KHDRBS2: variants seen among roughly 807,000 people sequenced by gnomAD.
KHDRBS2 encodes the protein KH RNA binding domain containing, signal transduction associated 2.
A neutral mutation model predicts 44.3 loss-of-function variants in KHDRBS2; 26 were observed. The ratio of observed to expected loss-of-function variants is 0.59; its 90% CI spans 0.43 to 0.81. The LOEUF is 0.81. Ranked by LOEUF, KHDRBS2 falls within the 40% of genes least tolerant of loss-of-function variation. KHDRBS2 has a pLI of 0.00. For missense variants in KHDRBS2, 476 were observed against 433.1 expected, an observed-to-expected ratio of 1.10 and a Z score of -0.88; for synonymous variants, 194 against 151.1, an observed-to-expected ratio of 1.28 and a Z score of -2.08.
chr6:62,104,993 A>G (rs1802819903), intron 2 of KHDRBS2, among the ~76,000 whole-genome samples: 1 of 152,152 alleles, frequency 6.6e-6, no homozygotes, highest in South Asian at 2.1e-4. Context: ...AAAGGAAAAT[A>G]AGAGAATATC....
chr6:62,102,342 G>C (rs1802091206), intron 2 of KHDRBS2, among the ~76,000 whole-genome samples: 1 of 152,154 alleles, frequency 6.6e-6, no homozygotes, highest in Admixed American at 6.5e-5. Context: ...TATAGTTCCA[G>C]CTATGGCTGG....
chr6:61,596,783 C>G, the KHDRBS2 span, among the ~76,000 whole-genome samples: 3 of 152,242 alleles, frequency 2.0e-5, no homozygotes, highest in South Asian at 4.1e-4. Context: ...TCCTGAGTAG[C>G]TGGGACTACA....
At chr6:61,798,313 G>A (rs1025504108) in intron 6 of KHDRBS2, among the ~76,000 whole-genome samples, 1 of 152,022 alleles carries the variant, frequency 6.6e-6, no homozygotes. Flanking sequence ...CTCCTGCAAG[G>A]TGAATTATTT....
the KHDRBS2 span, among the ~76,000 whole-genome samples, chr6:61,567,272 G>T: frequency 6.6e-6 from 1 of 152,194 alleles, no homozygotes; most frequent in Non-Finnish European, 1.5e-5. Flanking sequence ...AATGTCCTAA[G>T]AAAAGGGAGG....
intron 7 of KHDRBS2, among the ~76,000 whole-genome samples, chr6:61,699,261 AT>A (rs1203775556): frequency 6.6e-6 from 1 of 152,076 alleles, no homozygotes; most frequent in African/African-American, 2.4e-5. Context: ...ATTTAAAAAA[AT>A]AACATGCAAA....
At chr6:61,972,560 T>C (rs1332294479) in intron 4 of KHDRBS2, among the ~76,000 whole-genome samples, 1 of 152,204 alleles carries the variant, frequency 6.6e-6, no homozygotes, top group Non-Finnish European at 1.5e-5. Flanking sequence ...GGTTTTGAGA[T>C]AGCAGTATGA....
At chr6:61,577,092 A>T in the KHDRBS2 span, among the ~76,000 whole-genome samples, 1 of 151,114 alleles carries the variant, frequency 6.6e-6, no homozygotes, top group East Asian at 1.9e-4. Context: ...GATACCTGGT[A>T]GTTGTGTTTT....
At chr6:62,207,774 T>TA (rs1413169732) in intron 1 of KHDRBS2, among the ~76,000 whole-genome samples, 1 of 152,124 alleles carries the variant, frequency 6.6e-6, no homozygotes, top group African/African-American at 2.4e-5. Context: ...CTGGATTTTT[T>TA]AAAAAATAAT....
intron 6 of KHDRBS2, among the ~76,000 whole-genome samples, chr6:61,848,120 T>C (rs1414727470): frequency 1.3e-5 from 2 of 151,958 alleles, no homozygotes; most frequent in Non-Finnish European, 1.5e-5. Context: ...TGCTTGAGTA[T>C]CATAATTGCC....
the KHDRBS2 span, among the ~76,000 whole-genome samples, chr6:61,606,385 A>G: frequency 3.3e-5 from 5 of 152,170 alleles, no homozygotes; most frequent in Admixed American, 3.3e-4. Context: ...CCAAAAATGA[A>G]CGGGCCAAGG....
At chr6:62,092,762 C>A (rs1799719790) in intron 2 of KHDRBS2, among the ~76,000 whole-genome samples, 1 of 152,084 alleles carries the variant, frequency 6.6e-6, no homozygotes, top group Admixed American at 6.6e-5. Context: ...GCAAGGTAAT[C>A]ACTTAATTTT....
At position 61,950,703 on chromosome 6, in the gene KHDRBS2, A is replaced by G. The variant is rs146745209; in HGVS notation, c.483+27363T>C. Among the ~76,000 whole-genome samples the G allele has an allele frequency of 2.6e-5, 4 of 152,162 alleles. No homozygotes were observed. In the East Asian group the frequency reaches 7.7e-4, roughly 29 times the overall value. On this transcript the variant is annotated intron_variant, in intron 4 of 8. Coordinates refer to ENST00000281156, the MANE Select transcript of KHDRBS2 (RefSeq NM_152688.4). ...AGGTATCTCCTGAGGAATTTAAGTG[A>G]TATTTTCCTGAAGCTCATTTTCCTT...
chr6:62,282,831 T>C (rs1841986039), intron 1 of KHDRBS2, among the ~76,000 whole-genome samples: 1 of 152,052 alleles, frequency 6.6e-6, no homozygotes, highest in East Asian at 1.9e-4. Flanking sequence ...TTAATTAGAA[T>C]TGCAAAAAAA....
chr6:62,117,475 G>A (rs1023543853), intron 2 of KHDRBS2, among the ~76,000 whole-genome samples: 2 of 151,966 alleles, frequency 1.3e-5, no homozygotes, highest in Non-Finnish European at 2.9e-5. Context: ...TATTGATGTC[G>A]TTTGAGTTCC....
chr6:61,778,251 G>C (rs949047265), intron 6 of KHDRBS2, among the ~76,000 whole-genome samples: 1 of 152,170 alleles, frequency 6.6e-6, no homozygotes, highest in Non-Finnish European at 1.5e-5. Context: ...TGGATGAACA[G>C]AGCCTCTGTC....
chr6:62,147,252 C>A (rs1221181862), intron 2 of KHDRBS2, among the ~76,000 whole-genome samples: 1 of 151,852 alleles, frequency 6.6e-6, no homozygotes, highest in African/African-American at 2.4e-5. Flanking sequence ...TTGGAGATGG[C>A]CCAAACTGAA....
chr6:61,887,058 C>T (rs1164705509), intron 6 of KHDRBS2, among the ~76,000 whole-genome samples: 2 of 151,880 alleles, frequency 1.3e-5, no homozygotes, highest in South Asian at 4.2e-4. Flanking sequence ...AAGTACTCTA[C>T]AGGATACCTT....
At chr6:61,984,031 CA>C (rs1774522102) in intron 3 of KHDRBS2, among the ~76,000 whole-genome samples, 1 of 152,132 alleles carries the variant, frequency 6.6e-6, no homozygotes, top group African/African-American at 2.4e-5. Context: ...AATCCTGTAA[CA>C]AAAGCTTTCT....
chr6:61,642,660 C>CAAA, the KHDRBS2 span, among the ~76,000 whole-genome samples: 5 of 134,792 alleles, frequency 3.7e-5, no homozygotes, highest in Admixed American at 7.5e-5. Flanking sequence ...GACTCCACAT[C>CAAA]AAAAAAAAAA....
Sources: gnomAD v4.1 joint callset for allele counts (sites outside exome capture counted in the v4.1 genomes callset) on GRCh38, gnomAD v4.1.1 for gene constraint, MANE v1.5 for transcripts, NCBI Gene and HGNC (gene_info 2026-07-23, HGNC 2026-07-21) for gene names.